The following TTC39C variants were observed in gnomAD, a reference collection of about 807,000 sequenced individuals.
The protein encoded by TTC39C is tetratricopeptide repeat protein 39C.
In TTC39C, 33 loss-of-function variants were observed where a neutral mutation model predicts 76.3. That is an observed-to-expected ratio of 0.43 (90% confidence interval 0.33 to 0.58). The LOEUF (loss-of-function observed/expected upper bound fraction) is 0.58, where lower values mean the gene tolerates loss of function less well. Ranked by LOEUF, TTC39C falls within the 20% of genes least tolerant of loss-of-function variation. The pLI, the probability that TTC39C is intolerant of heterozygous loss-of-function variation, is 0.04. For missense variants in TTC39C, 595 were observed against 701.4 expected, an observed-to-expected ratio of 0.85 and a Z score of 1.71; for synonymous variants, 254 against 260.6, an observed-to-expected ratio of 0.97 and a Z score of 0.24.
chr18:24,039,555 C>T (rs2083768628), intron 1 of TTC39C, among the ~76,000 whole-genome samples: 1 of 152,228 alleles, frequency 6.6e-6, no homozygotes, highest in African/African-American at 2.4e-5. Context: ...TGGTCTCAAA[C>T]TCCTGGCCTC....
At chr18:24,001,857 G>A (rs1307134099) in intron 1 of TTC39C, among the ~76,000 whole-genome samples, 1 of 133,896 alleles carries the variant, frequency 7.5e-6, no homozygotes, top group African/African-American at 3.0e-5. Flanking sequence ...ACGGAGTCTC[G>A]CTCTGTGGCC....
intron 1 of TTC39C, among the ~76,000 whole-genome samples, chr18:24,050,231 C>T (rs185834330): frequency 1.8e-4 from 28 of 152,330 alleles, no homozygotes; most frequent in African/African-American, 6.7e-4. Context: ...AGGGACACCC[C>T]TGCATTGCTT....
At chr18:24,001,825 T>TTTG (rs2083313165) in intron 1 of TTC39C, among the ~76,000 whole-genome samples, 1 of 39,058 alleles carries the variant, frequency 2.6e-5, no homozygotes. Flanking sequence ...GTAATTCTGT[T>TTTG]TTTTTTTTTT....
chr18:24,106,877 G>A (rs2084750608), intron 6 of TTC39C, among the ~76,000 whole-genome samples: 1 of 152,148 alleles, frequency 6.6e-6, no homozygotes, highest in Non-Finnish European at 1.5e-5. Flanking sequence ...TAGAGACGGG[G>A]TTTCACCATG....
intron 4 of TTC39C, 142 bp downstream of exon 4, chr18:24,069,413 A>G: frequency 1.5e-6 from 1 of 689,332 alleles, no homozygotes; most frequent in Non-Finnish European, 2.4e-6. Flanking sequence ...ATTACTGGGG[A>G]AATTGAAACC....
intron 9 of TTC39C, chr18:24,124,429 G>C (rs188274939): frequency 6.6e-6 from 1 of 152,336 alleles, no homozygotes; most frequent in East Asian, 1.9e-4. Context: ...AATGCAGGCT[G>C]TCTGGGGTTG....
At chr18:24,113,696 A>T in intron 6 of TTC39C, 1 of 702,328 alleles carries the variant, frequency 1.4e-6, no homozygotes. Flanking sequence ...CTCAATGCCT[A>T]AGATTAAACT....
At chr18:24,071,861 C>T (rs928456098) in intron 4 of TTC39C, among the ~76,000 whole-genome samples, 5 of 152,170 alleles carry the variant, frequency 3.3e-5, no homozygotes, top group Non-Finnish European at 4.4e-5. Flanking sequence ...TAGTATTTGA[C>T]AGCATTCTTG....
upstream of TTC39C, chr18:24,012,919 C>G (rs1057250997): frequency 6.6e-6 from 1 of 151,816 alleles, no homozygotes; most frequent in Non-Finnish European, 1.5e-5. Context: ...ACAAGCACCT[C>G]TGTAACTTGG....
intron 1 of TTC39C, among the ~76,000 whole-genome samples, chr18:24,046,797 CCCA>C (rs1168516744): frequency 2.0e-5 from 3 of 151,798 alleles, no homozygotes; most frequent in African/African-American, 7.3e-5. Flanking sequence ...AATTTTCATT[CCCA>C]CCACTCACTG....
intron 6 of TTC39C, among the ~76,000 whole-genome samples, chr18:24,098,413 C>CCTCCTTCCTTCCTTCCTCCCTCCCTCT (rs1555775900): frequency 3.0e-5 from 3 of 99,724 alleles, no homozygotes; most frequent in African/African-American, 9.3e-5. Context: ...TCCCTCCCTC[C>CCTCCTTCCTTCCTTCCTCCCTCCCTCT]CTCCTTCCTT....
At position 24,080,598 on chromosome 18, in the gene TTC39C, T is replaced by C. The variant is rs1212406242; in HGVS notation, c.474T>C (p.Gly158=). The C allele has an allele frequency of 6.2e-7, 1 of 1,601,008 alleles. No individual in the cohort carries two copies. The highest frequency in any genetic ancestry group is 2.2e-5 in the East Asian group (1 of 44,744). ...TTCTCTTTTTAGCTTATATCAAAGG[T>C]GGGTGGATCCTTAGGAAAGCCTGGA... ...VKQELSAYIK[G]GWILRKAWKI... Residue 158 remains glycine (G), a synonymous_variant, in exon 5 of 14, where the codon GGT becomes GGC. Coordinates refer to ENST00000317571, the MANE Select transcript of TTC39C (RefSeq NM_001135993.2).
chr18:24,128,908 A>G lies in TTC39C; in HGVS notation c.1443A>G (p.Ser481=), dbSNP rs1227458806. ...MSQACHEVDD[S]SVVGLKYLLL... is the part of the protein sequence containing the mutation. ...AAGCTTGCCATGAAGTGGATGACTC[A>G]TCTGTTGTTGGATTAAAGTATTTGC... Residue 481 remains serine, a synonymous_variant, in exon 11 of 14, where the codon TCA becomes TCG. Coordinates refer to ENST00000317571, the MANE Select transcript of TTC39C (RefSeq NM_001135993.2). 6.2e-7 allele frequency: 1 copy of G among 1,613,524 alleles called. No homozygotes were observed. The highest frequency in any genetic ancestry group is 2.2e-5 in the East Asian group (1 of 44,832).
chr18:24,100,928 A>G (rs2084665634), intron 6 of TTC39C, among the ~76,000 whole-genome samples: 1 of 152,160 alleles, frequency 6.6e-6, no homozygotes, highest in African/African-American at 2.4e-5. Flanking sequence ...TGTTGGGTTA[A>G]TTGGGATATC....
intron 6 of TTC39C, among the ~76,000 whole-genome samples, chr18:24,105,144 G>A (rs911364933): frequency 6.6e-6 from 1 of 151,810 alleles, no homozygotes; most frequent in African/African-American, 2.4e-5. Flanking sequence ...AGGACATAAT[G>A]GAAGGATAAA....
chr18:24,117,333 A>G (rs536938891), intron 7 of TTC39C, among the ~76,000 whole-genome samples: 11 of 152,118 alleles, frequency 7.2e-5, no homozygotes, highest in Non-Finnish European at 1.6e-4. Context: ...GGGTTCTTTC[A>G]CTACCAGTGT....
chr18:24,070,127 C>A (rs1369699699), intron 4 of TTC39C, among the ~76,000 whole-genome samples: 1 of 152,072 alleles, frequency 6.6e-6, no homozygotes, highest in African/African-American at 2.4e-5. Context: ...GTTTCTCTTG[C>A]TCTTTCTTTG....
chr18:24,087,311 T>A (rs1308571465), intron 6 of TTC39C, among the ~76,000 whole-genome samples: 3 of 152,244 alleles, frequency 2.0e-5, no homozygotes, highest in Non-Finnish European at 2.9e-5. Flanking sequence ...CAGTTGTCTC[T>A]GCTCTTTCTT....
chr18:24,105,513 C>T (rs1323719350), intron 6 of TTC39C, among the ~76,000 whole-genome samples: 1 of 152,196 alleles, frequency 6.6e-6, no homozygotes. Context: ...CATGCCTGCA[C>T]ATACACATAC....
Sources: allele counts gnomAD v4.1 joint callset (sites outside exome capture counted in the v4.1 genomes callset), GRCh38; gene constraint gnomAD v4.1.1; transcripts MANE v1.5; gene names NCBI Gene and HGNC (gene_info 2026-07-23, HGNC 2026-07-21).